Variants in GNAT2 observed in about 807,000 individuals in gnomAD.
GNAT2 encodes the protein G protein subunit alpha transducin 2.
GNAT2 carries 32 observed loss-of-function variants against 40.9 expected under a neutral mutation model. The ratio of observed to expected loss-of-function variants is 0.78; its 90% CI spans 0.59 to 1.05. The LOEUF (loss-of-function observed/expected upper bound fraction) is 1.05. Ranked by LOEUF, GNAT2 falls within the 50% of genes least tolerant of loss-of-function variation. The pLI is 0.00. For synonymous variants in GNAT2, 141 were observed against 157.2 expected (o/e 0.90, Z 0.77); for missense variants, 355 against 431.5 (o/e 0.82, Z 1.57).
chr1:109,603,481 C>T lies in GNAT2; in HGVS notation c.938G>A (p.Arg313Gln), dbSNP rs368195234. ...IKSQFLDLNM[R>Q]KDVKEIYSHM... ...ACTGTAGATTTCTTTGACATCTTTT[C>T]GCATATTGAGGTCAAGGAACTGGCT... Residue 313 changes from arginine to glutamine, a missense_variant, in exon 9 of 9, where the codon CGA (arginine) becomes CAA (glutamine). Transcript: ENST00000679935. 1.0e-5 allele frequency: 16 copies of T among 1,607,074 alleles called. No homozygotes were observed. In the African/African-American group the frequency reaches 1.7e-4, roughly 17 times the overall value.
intron 5 of GNAT2, chr1:109,606,750 A>G (rs753622658): frequency 8.5e-6 from 3 of 354,226 alleles, no homozygotes; most frequent in Non-Finnish European, 1.1e-5. Context: ...GTGGGTGCTA[A>G]AAGTTCCATC....
chr1:109,612,811 T>C lies in GNAT2; in HGVS notation c.60A>G (p.Glu20=). Residue 20 remains glutamate, a synonymous_variant, in exon 2 of 9, where the codon GAA becomes GAG. Coordinates refer to ENST00000679935, the MANE Select transcript of GNAT2 (RefSeq NM_001377295.2). ...KELAKRSKEL[E]KKLQEDADKE... ...TATCAGCATCCTCCTGCAGCTTCTT[T>C]TCTAGCTCCTTGGACCTCTTGGCCA... is the stretch of plus-strand genomic sequence containing the variant. 6.2e-7 allele frequency: 1 copy of C among 1,613,766 alleles called. No homozygotes were observed. Among genetic ancestry groups the C allele is most frequent in the Non-Finnish European group, 8.5e-7 (1 of 1,179,672 alleles).
At chr1:109,612,611 G>A in intron 2 of GNAT2, 142 bp downstream of exon 2, 1 of 717,486 alleles carries the variant, frequency 1.4e-6, no homozygotes, top group Non-Finnish European at 2.5e-6. Context: ...TAGATCTCCT[G>A]ATCCCCTAGC....
chr1:109,604,152 T>C, intron 7 of GNAT2, 48 bp from the exon 8 acceptor site: 1 of 1,423,666 alleles, frequency 7.0e-7, no homozygotes, highest in Non-Finnish European at 9.9e-7. Flanking sequence ...GCTTATAGAA[T>C]ATCTACCTAC....
At position 109,610,515 on chromosome 1, in the gene GNAT2, G is replaced by T; in HGVS notation, c.119-8C>A. On this transcript the variant is annotated splice_region_variant and splice_polypyrimidine_tract_variant and intron_variant, in intron 2 of 8. Coordinates refer to ENST00000679935, the MANE Select transcript of GNAT2 (RefSeq NM_001377295.2). ...TTCCTGACTCCCCAGCACCTGGAAG[G>T]AAAAATGCTTATGCTTTCGATTTCC... 6.2e-7 allele frequency: 1 copy of T among 1,613,072 alleles called. No individual in the cohort carries two copies.
At chr1:109,606,148 A>T in intron 6 of GNAT2, 49 bp from the exon 7 acceptor site, 2 of 1,609,136 alleles carry the variant, frequency 1.2e-6, no homozygotes, top group Non-Finnish European at 1.7e-6. Context: ...CATACGACCT[A>T]TATGCCTTTG....
chr1:109,614,915 T>G (rs1489867095), intron 1 of GNAT2: 1 of 152,166 alleles, frequency 6.6e-6, no homozygotes, highest in Non-Finnish European at 1.5e-5. Context: ...CAGGAGAGTC[T>G]CTTTGAAATT....
chr1:109,618,225 A>G (rs1650011247), intron 1 of GNAT2: 1 of 152,240 alleles, frequency 6.6e-6, no homozygotes, highest in South Asian at 2.1e-4. Flanking sequence ...TGTATATCAC[A>G]TAAGTAGGAC....
Position 109,605,950 on chromosome 1 carries a change from T to C in GNAT2, c.720+20A>G. 6.2e-7 allele frequency: 1 copy of C among 1,611,518 alleles called. No homozygotes were observed. The highest frequency in any genetic ancestry group is 8.5e-7 in the Non-Finnish European group (1 of 1,178,196). On this transcript the variant is annotated intron_variant, in intron 7 of 8. Transcript: ENST00000679935. ...GGAGAACTTGTTCTACCAAAGCTGCTTGATGCAAAGGCCACTCACCACTTC... is the reference window on the plus strand; with the variant it reads ...GGAGAACTTGTTCTACCAAAGCTGCCTGATGCAAAGGCCACTCACCACTTC...
At chr1:109,606,880 C>T (rs757187876) in intron 5 of GNAT2, 1 of 202,520 alleles carries the variant, frequency 4.9e-6, no homozygotes, top group East Asian at 1.2e-4. Context: ...AATTTGAACA[C>T]CGACTTGGTG....
At chr1:109,609,805 T>C in intron 4 of GNAT2, 1 of 532,138 alleles carries the variant, frequency 1.9e-6, no homozygotes, top group South Asian at 2.0e-5. Context: ...TTTCCATGTG[T>C]AAAATGAGGC....
intron 5 of GNAT2, chr1:109,607,465 G>GAAAAAAAAAAAAAA: frequency 8.2e-6 from 1 of 121,496 alleles, no homozygotes; most frequent in Non-Finnish European, 1.7e-5. Context: ...AAAAAAAAAG[G>GAAAAAAAAAAAAAA]CAAGAGGAAG....
Position 109,613,106 on chromosome 1 carries a change from CT to C in GNAT2, c.-53-184del, listed in dbSNP as rs879119030. On this transcript the variant is annotated intron_variant, in intron 1 of 8. Coordinates refer to ENST00000679935, the MANE Select transcript of GNAT2 (RefSeq NM_001377295.2). ...TACTTCTTAGTCTAGGGATTGTAGC[CT>C]TTATATCTAGCAATGTGATAGGTCA... 3.1e-5 allele frequency: 16 copies of C among 521,070 alleles called. 1 individual carries two copies. In the South Asian group the frequency reaches 3.1e-4, roughly 10 times the overall value. The allele number at this position is 521,070 out of a possible 1,614,324, so 32.3% of individuals were successfully genotyped here. A position where few individuals can be genotyped will look rare whatever the true frequency, so the allele number is the denominator to read the frequency against.
At chr1:109,611,277 A>C (rs529990949) in intron 2 of GNAT2, 1 of 152,264 alleles carries the variant, frequency 6.6e-6, no homozygotes, top group East Asian at 1.9e-4. Context: ...CTGGGTTTTA[A>C]GCAATTCTTC....
intron 1 of GNAT2, chr1:109,613,834 G>A (rs1217825801): frequency 6.6e-6 from 1 of 152,206 alleles, no homozygotes; most frequent in Non-Finnish European, 1.5e-5. Flanking sequence ...TGTGGGGTTT[G>A]TGCTGCCTCA....
At chr1:109,616,637 AC>A (rs1456623486) in intron 1 of GNAT2, 4 of 152,228 alleles carry the variant, frequency 2.6e-5, no homozygotes, top group African/African-American at 4.8e-5. Flanking sequence ...GCTGTTTAAG[AC>A]CTAGCATTCA....
chr1:109,610,340 C>T (rs1352070733), intron 3 of GNAT2, 125 bp downstream of exon 3: 1 of 1,176,122 alleles, frequency 8.5e-7, no homozygotes, highest in African/African-American at 1.5e-5. Context: ...AGATGAGGGG[C>T]ATTGGAATCA....
intron 1 of GNAT2, chr1:109,615,620 A>AGAAAAGAAAAGAAAAGAAAAGAAAAG (rs373024187): frequency 1.6e-5 from 2 of 126,688 alleles, no homozygotes; most frequent in Non-Finnish European, 3.2e-5. Flanking sequence ...AAAAAAAAAA[A>AGAAAAGAAAAGAAAAGAAAAGAAAAG]AAAAGAAAAG....
At chr1:109,615,380 C>T (rs1242331120) in intron 1 of GNAT2, 4 of 152,110 alleles carry the variant, frequency 2.6e-5, no homozygotes, top group African/African-American at 9.7e-5. Flanking sequence ...GCCTGTAATT[C>T]CAACACTTTG....
Sources: allele counts gnomAD v4.1 joint callset, GRCh38; gene constraint gnomAD v4.1.1; transcripts MANE v1.5; gene names NCBI Gene and HGNC (gene_info 2026-07-23, HGNC 2026-07-21).